KCNAB1: variants seen among roughly 807,000 people sequenced by gnomAD.
The protein encoded by KCNAB1 is potassium voltage-gated channel subfamily A regulatory beta subunit 1, also known as voltage-gated potassium channel subunit beta-1.
Under a neutral mutation model 64.6 loss-of-function variants are expected in KCNAB1, and 35 were observed. The observed-to-expected ratio is 0.54, with a 90% CI of 0.41 to 0.72. The LOEUF is 0.72. Among genes scored for constraint, KCNAB1 ranks in the 30% least tolerant of loss-of-function variants. The probability of loss-of-function intolerance (pLI) is 0.00; values close to 1 mark genes in which losing one functional copy is unlikely to be tolerated. For missense variants in KCNAB1, 401 were observed against 512.9 expected, an observed-to-expected ratio of 0.78 and a Z score of 2.11; for synonymous variants, 177 against 183.8, an observed-to-expected ratio of 0.96 and a Z score of 0.30.
intron 1 of KCNAB1, among the ~76,000 whole-genome samples, chr3:156,165,000 G>A (rs541494290): frequency 8.0e-4 from 122 of 152,238 alleles, no homozygotes; most frequent in African/African-American, 2.9e-3. Flanking sequence ...CAAATAGGCC[G>A]GGCGCGGTGG....
intron 1 of KCNAB1, among the ~76,000 whole-genome samples, chr3:156,393,851 G>C (rs1169876699): frequency 6.6e-6 from 1 of 152,168 alleles, no homozygotes; most frequent in East Asian, 1.9e-4. Context: ...GTCTTAAATT[G>C]CCAAGCTGAA....
At chr3:156,277,569 T>G (rs1719416184) in intron 1 of KCNAB1, among the ~76,000 whole-genome samples, 1 of 152,186 alleles carries the variant, frequency 6.6e-6, no homozygotes, top group Non-Finnish European at 1.5e-5. Context: ...TTGCAAATGG[T>G]GGAATTTTCT....
intron 1 of KCNAB1, among the ~76,000 whole-genome samples, chr3:156,364,002 T>A (rs187635927): frequency 6.1e-4 from 93 of 152,354 alleles, no homozygotes; most frequent in African/African-American, 2.1e-3. Context: ...TACTTGATAA[T>A]TGAACAACCT....
intron 2 of KCNAB1, among the ~76,000 whole-genome samples, chr3:156,421,878 A>G (rs758246448): frequency 6.6e-6 from 1 of 152,164 alleles, no homozygotes; most frequent in Non-Finnish European, 1.5e-5. Context: ...CCCGTCGAGC[A>G]TAAGGCAACC....
intron 1 of KCNAB1, among the ~76,000 whole-genome samples, chr3:156,297,677 C>A (rs1266881149): frequency 1.3e-5 from 2 of 152,094 alleles, no homozygotes; most frequent in South Asian, 4.1e-4. Flanking sequence ...TTACCTCCCA[C>A]GAATGGTGGG....
intron 1 of KCNAB1, among the ~76,000 whole-genome samples, chr3:156,366,369 G>A (rs1725946977): frequency 6.6e-6 from 1 of 152,192 alleles, no homozygotes; most frequent in Non-Finnish European, 1.5e-5. Flanking sequence ...CTCCTCCACT[G>A]GAACTGTTAA....
chr3:156,328,403 A>G (rs554032873), intron 1 of KCNAB1, among the ~76,000 whole-genome samples: 1 of 152,206 alleles, frequency 6.6e-6, no homozygotes, highest in East Asian at 1.9e-4. Context: ...TCTTACGGAC[A>G]CTGATCTTAT....
chr3:156,358,454 C>T (rs1188474133), intron 1 of KCNAB1, among the ~76,000 whole-genome samples: 2 of 152,122 alleles, frequency 1.3e-5, no homozygotes, highest in African/African-American at 2.4e-5. Context: ...GAAACCTGCT[C>T]GCTCACCAGG....
At chr3:156,510,558 T>C (rs1335708836) in intron 8 of KCNAB1, among the ~76,000 whole-genome samples, 1 of 152,156 alleles carries the variant, frequency 6.6e-6, no homozygotes, top group Non-Finnish European at 1.5e-5. Flanking sequence ...TCAGCTCCTG[T>C]CCTATTTCTC....
intron 1 of KCNAB1, among the ~76,000 whole-genome samples, chr3:156,279,640 C>T (rs1719569871): frequency 1.3e-5 from 2 of 152,160 alleles, no homozygotes; most frequent in Non-Finnish European, 2.9e-5. Flanking sequence ...TGTTTCCTGA[C>T]TTTCTAATGA....
At chr3:156,470,781 CT>C (rs1196571357) in intron 7 of KCNAB1, among the ~76,000 whole-genome samples, 4 of 152,142 alleles carry the variant, frequency 2.6e-5, no homozygotes, top group African/African-American at 9.7e-5. Flanking sequence ...ACTCTATGAA[CT>C]TTAAAAGAAA....
intron 4 of KCNAB1, among the ~76,000 whole-genome samples, chr3:156,458,487 CA>C (rs1484428033): frequency 2.6e-5 from 4 of 152,198 alleles, no homozygotes; most frequent in Non-Finnish European, 5.9e-5. Flanking sequence ...GTTAGAATTA[CA>C]ATCAAATTGC....
intron 8 of KCNAB1, among the ~76,000 whole-genome samples, chr3:156,493,705 G>A (rs1715804560): frequency 6.6e-6 from 1 of 152,082 alleles, no homozygotes; most frequent in South Asian, 2.1e-4. Context: ...CCTGTAAGCT[G>A]GATCAGCTCT....
rs571909686 is a variant in KCNAB1 at position 156,414,345 on chromosome 3, A to G, written c.276-7271A>G. On this transcript the variant is annotated intron_variant, in intron 1 of 13. Transcript: ENST00000490337. ...TACACAGGATCCCAGTTAATTTGAA[A>G]TATAGTTCAAAATATGTAAAAACCA... Among the ~76,000 whole-genome samples, 9 of 152,328 alleles carry G rather than the reference A, an allele frequency of 5.9e-5. No homozygotes were observed. In the East Asian group the frequency reaches 1.7e-3, roughly 29 times the overall value.
intron 1 of KCNAB1, among the ~76,000 whole-genome samples, chr3:156,157,778 A>G (rs1030192364): frequency 1.3e-5 from 2 of 152,222 alleles, no homozygotes; most frequent in Admixed American, 1.3e-4. Context: ...AAGTCACAAC[A>G]AAAAGAACAG....
rs566970573 is a variant in KCNAB1 at position 156,283,298 on chromosome 3, C to T, written c.276-138318C>T. 1.6e-3 allele frequency among the ~76,000 whole-genome samples: 239 copies of T among 151,546 alleles called. 2 individuals are homozygous for T. Among genetic ancestry groups the T allele is most frequent in the Non-Finnish European group, 1.1e-3 (78 of 68,020 alleles). On this transcript the variant is annotated intron_variant, in intron 1 of 13. Coordinates refer to ENST00000490337, the MANE Select transcript of KCNAB1 (RefSeq NM_172160.3). ...TAAGAGTGTTGAATATTGGCCCCCACTCTCTTCTGGCTTGTAGGGTTTCTG... is the reference window on the plus strand; with the variant it reads ...TAAGAGTGTTGAATATTGGCCCCCATTCTCTTCTGGCTTGTAGGGTTTCTG...
At chr3:156,294,992 T>A (rs1576688336) in intron 1 of KCNAB1, among the ~76,000 whole-genome samples, 6 of 152,324 alleles carry the variant, frequency 3.9e-5, no homozygotes, top group Admixed American at 3.9e-4. Flanking sequence ...CTCACTCAAC[T>A]GGTACACAAA....
chr3:156,205,026 C>G (rs1171135704), intron 1 of KCNAB1, among the ~76,000 whole-genome samples: 1 of 152,096 alleles, frequency 6.6e-6, no homozygotes, highest in African/African-American at 2.4e-5. Flanking sequence ...TTATATATCT[C>G]TTAAATACCT....
rs566437572 is a variant in KCNAB1, at chr3:156,278,776, T to C, written c.276-142840T>C. On this transcript the variant is annotated intron_variant, in intron 1 of 13. Transcript: ENST00000490337. ...AACTCGCAGAGTCGGTGTCACCAGA[T>C]TGGAAAAAAGTCTCAGAGACAAAAG... 1.4e-3 allele frequency among the ~76,000 whole-genome samples: 206 copies of C among 151,952 alleles called. 2 individuals carry two copies. Among genetic ancestry groups the C allele is most frequent in the South Asian group, 1.5e-3 (7 of 4,812 alleles).
Sources: allele counts gnomAD v4.1 joint callset (sites outside exome capture counted in the v4.1 genomes callset), GRCh38; gene constraint gnomAD v4.1.1; transcripts MANE v1.5; gene names NCBI Gene and HGNC (gene_info 2026-07-23, HGNC 2026-07-21).